The following PDGFRA variants were observed in gnomAD, a reference collection of about 807,000 sequenced individuals.
PDGFRA encodes the protein platelet-derived growth factor receptor alpha.
PDGFRA carries 25 observed loss-of-function variants against 121.5 expected under a neutral mutation model. That is an observed-to-expected ratio of 0.21 (90% CI 0.15 to 0.29). The LOEUF is 0.29. PDGFRA is among the 10% of genes least tolerant of loss of function. PDGFRA has a pLI of 1.00. For missense variants in PDGFRA, 1,008 were observed against 1,345.1 expected, an observed-to-expected ratio of 0.75 and a Z score of 3.92; for synonymous variants, 463 against 494.8, an observed-to-expected ratio of 0.94 and a Z score of 0.85.
intron 1 of PDGFRA, among the ~76,000 whole-genome samples, chr4:54,244,084 CA>C (rs1721476140): frequency 1.3e-5 from 2 of 152,214 alleles, no homozygotes; most frequent in African/African-American, 4.8e-5. Context: ...GGGTGGAGCC[CA>C]CCACAGCTCA....
Position 54,288,694 on chromosome 4 carries a change from G to C in PDGFRA, c.2675-105G>C, listed in dbSNP as rs142125556. ...TTTCTTGAAAAAACCAGTGCTTCAA[G>C]GCTATAGGATCTGAAAGGTTTTCTA... is the stretch of plus-strand genomic sequence containing the variant. On this transcript the variant is annotated intron_variant, in intron 19 of 22. Transcript: ENST00000257290. The C allele has an allele frequency of 2.4e-3, 1,890 of 780,196 alleles. 18 individuals are homozygous for C. In the African/African-American group the frequency reaches 0.028, roughly 12 times the overall value. The allele number at this position is 780,196 out of a possible 1,614,324, so 48.3% of individuals were successfully genotyped here.
rs918962982 is a variant in PDGFRA, at chr4:54,263,670, C to T, written c.371C>T (p.Pro124Leu). ...GRHIYIYVPD[P>L]DVAFVPLGMT... Reference sequence around the variant, plus strand: ...TTCATTCTTTTTTAAACCACAGACCCAGATGTAGCCTTTGTACCTCTAGGA... The same window carrying T: ...TTCATTCTTTTTTAAACCACAGACCTAGATGTAGCCTTTGTACCTCTAGGA... The change falls in exon 4 of 23, where the codon CCA (proline) becomes CTA (leucine). Residue 124 changes from proline (P) to leucine (L), a missense_variant. By Grantham distance (98) the Pro-to-Leu change is moderately conservative. Around this residue, in one of 5 missense-constraint regions of PDGFRA, gnomAD observed 575 missense variants for 701.8 expected, o/e 0.82. Coordinates refer to ENST00000257290, the MANE Select transcript of PDGFRA (RefSeq NM_006206.6). 1 of 1,613,494 alleles carries T rather than the reference C, an allele frequency of 6.2e-7. No individual in the cohort carries two copies. Among genetic ancestry groups the T allele is most frequent in the Non-Finnish European group, 8.5e-7 (1 of 1,179,444 alleles).
Position 54,263,801 on chromosome 4 carries a change from G to C in PDGFRA, c.502G>C (p.Val168Leu), listed in dbSNP as rs752270672. The C allele has an allele frequency of 2.5e-6, 4 of 1,614,062 alleles. No individual in the cohort carries two copies. Among genetic ancestry groups the C allele is most frequent in the African/African-American group, 1.3e-5 (1 of 75,014 alleles). The change falls in exon 4 of 23, where the codon GTA (valine) becomes CTA (leucine). Residue 168 changes from valine to leucine, a missense_variant. Physicochemically the swap from Val to Leu is conservative, Grantham distance 32 (BLOSUM62 1). Around this residue, in one of 5 missense-constraint regions of PDGFRA, gnomAD observed 575 missense variants for 701.8 expected, o/e 0.82. Coordinates refer to ENST00000257290, the MANE Select transcript of PDGFRA (RefSeq NM_006206.6). ...AACCTTACACAACAGTGAGGGGGTG[G>C]TACCTGCCTCCTACGACAGCAGACA... ...PVTLHNSEGV[V>L]PASYDSRQGF... is the part of the protein sequence containing the mutation.
Position 54,270,731 on chromosome 4 carries a change from T to C in PDGFRA, c.1220T>C (p.Phe407Ser). ...GAAGATGCTGTGAAGAGCTATACTT[T>C]TGAACTGTTAACTCAAGGTATGTAA... is the stretch of plus-strand genomic sequence containing the variant. ...QNEDAVKSYT[F>S]ELLTQVPSSI... Residue 407 changes from phenylalanine (F) to serine (S), a missense_variant, in exon 8 of 23, where the codon TTT becomes TCT. By Grantham distance (155) the Phe-to-Ser change is radical. Around this residue, in one of 5 missense-constraint regions of PDGFRA, gnomAD observed 575 missense variants for 701.8 expected, o/e 0.82. Transcript: ENST00000257290. The C allele has an allele frequency of 6.3e-7, 1 of 1,580,118 alleles. No individual in the cohort carries two copies. Among genetic ancestry groups the C allele is most frequent in the Non-Finnish European group, 8.7e-7 (1 of 1,149,062 alleles).
intron 5 of PDGFRA, 105 bp downstream of exon 5, chr4:54,265,154 C>T: frequency 9.0e-7 from 1 of 1,113,812 alleles, no homozygotes; most frequent in East Asian, 2.4e-5. Flanking sequence ...CTGAGTTTCT[C>T]TAGACCTTAG....
intron 1 of PDGFRA, among the ~76,000 whole-genome samples, chr4:54,251,425 A>C (rs919334182): frequency 2.6e-5 from 4 of 152,196 alleles, no homozygotes; most frequent in Admixed American, 6.5e-5. Context: ...TTTGAAAACT[A>C]TTTGGGAGTA....
intron 1 of PDGFRA, among the ~76,000 whole-genome samples, chr4:54,250,872 T>C (rs111958961): frequency 0.05 from 7,643 of 151,842 alleles, 634 homozygotes; most frequent in African/African-American, 0.17. Flanking sequence ...CAAGACTAGC[T>C]TGGCCAGCAT....
chr4:54,239,298 A>G (rs1219952604), intron 1 of PDGFRA, among the ~76,000 whole-genome samples: 1 of 152,206 alleles, frequency 6.6e-6, no homozygotes, highest in African/African-American at 2.4e-5. Context: ...AGAAATAACT[A>G]TAGGTATACT....
At chr4:54,268,137 C>T (rs764131759) in intron 7 of PDGFRA, among the ~76,000 whole-genome samples, 22 of 152,176 alleles carry the variant, frequency 1.4e-4, no homozygotes, top group Non-Finnish European at 2.5e-4. Context: ...CATCACCTTA[C>T]GTGAAAGTTA....
At chr4:54,260,696 C>T (rs1215394361) in intron 2 of PDGFRA, among the ~76,000 whole-genome samples, 1 of 152,164 alleles carries the variant, frequency 6.6e-6, no homozygotes, top group Non-Finnish European at 1.5e-5. Flanking sequence ...ACATGAGCCT[C>T]TGCGCCCCAG....
rs149659832 is a variant in PDGFRA, at chr4:54,280,424, C to T, written c.2265C>T (p.Ser755=). The T allele has an allele frequency of 4.8e-4, 770 of 1,613,472 alleles. No homozygotes were observed. The highest frequency in any genetic ancestry group is 6.1e-4 in the Non-Finnish European group (721 of 1,179,548). The change falls in exon 16 of 23, where the codon TCC becomes TCT. Residue 755 remains serine (S), a synonymous_variant. Transcript: ENST00000257290. ...AAAGGAAAGAGGTTTCTAAATATTCCGACATCCAGAGATCACTCTATGATC... is the reference window on the plus strand; with the variant it reads ...AAAGGAAAGAGGTTTCTAAATATTCTGACATCCAGAGATCACTCTATGATC... ...MLERKEVSKY[S]DIQRSLYDRP...
chr4:54,282,758 G>A (rs1004405361), intron 16 of PDGFRA, among the ~76,000 whole-genome samples: 1 of 152,156 alleles, frequency 6.6e-6, no homozygotes, highest in African/African-American at 2.4e-5. Flanking sequence ...ACACAAGGCA[G>A]GTCCCTTCCA....
At chr4:54,284,544 A>G in intron 16 of PDGFRA, among the ~76,000 whole-genome samples, 1 of 138,710 alleles carries the variant, frequency 7.2e-6, no homozygotes, top group African/African-American at 2.7e-5. Flanking sequence ...TGGCCAGAGC[A>G]GGAGCAAGTG....
intron 1 of PDGFRA, among the ~76,000 whole-genome samples, chr4:54,236,664 A>T (rs1248384795): frequency 6.6e-6 from 1 of 152,046 alleles, no homozygotes; most frequent in African/African-American, 2.4e-5. Context: ...TTAGCTGGCC[A>T]TGATGGTGGG....
intron 14 of PDGFRA, 108 bp from the exon 15 acceptor site, chr4:54,278,248 AAAAAAC>A: frequency 1.8e-6 from 1 of 563,462 alleles, no homozygotes; most frequent in Admixed American, 3.6e-5. Context: ...AAAAAAAAAA[AAAAAAC>A]TTTTTTGGTA....
At chr4:54,231,655 C>G (rs1720677452) in intron 1 of PDGFRA, among the ~76,000 whole-genome samples, 1 of 152,266 alleles carries the variant, frequency 6.6e-6, no homozygotes, top group South Asian at 2.1e-4. Flanking sequence ...CCGACAGGCG[C>G]AAGGCCGACC....
chr4:54,275,040 C>A, intron 12 of PDGFRA, 67 bp downstream of exon 12: 2 of 1,556,814 alleles, frequency 1.3e-6, no homozygotes, highest in South Asian at 1.1e-5. Flanking sequence ...AATTTATAGG[C>A]CTTGGCAGAA....
At position 54,280,446 on chromosome 4, in the gene PDGFRA, G is replaced by C. The variant is rs1724013488; in HGVS notation, c.2287G>C (p.Asp763His). The stretch of plus-strand genomic sequence containing the variant: ...TTCCGACATCCAGAGATCACTCTAT[G>C]ATCGTCCAGCCTCATATAAGAAGAA... ...KYSDIQRSLY[D>H]RPASYKKKSM... The change falls in exon 16 of 23, where the codon GAT (aspartate) becomes CAT (histidine). Residue 763 changes from aspartate (D) to histidine (H), a missense_variant. By Grantham distance (81) the Asp-to-His change is moderately conservative (BLOSUM62 -1). This residue lies in a region of PDGFRA where 128 missense variants were observed against 147.6 expected (regional missense o/e 0.87). Transcript: ENST00000257290. 3 of 1,613,874 alleles carry C rather than the reference G, an allele frequency of 1.9e-6. No individual in the cohort carries two copies. The highest frequency in any genetic ancestry group is 1.7e-6 in the Non-Finnish European group (2 of 1,179,758).
At chr4:54,290,674 G>A (rs1724585658) in intron 22 of PDGFRA, 120 bp downstream of exon 22, 17 of 1,150,374 alleles carry the variant, frequency 1.5e-5, no homozygotes, top group Non-Finnish European at 2.0e-5. Flanking sequence ...TCAGGGACAA[G>A]TTGCAGAATC....
Sources: allele counts gnomAD v4.1 joint callset (sites outside exome capture counted in the v4.1 genomes callset), GRCh38; gene constraint gnomAD v4.1.1; regional missense constraint gnomAD v4.1.1; transcripts MANE v1.5; gene names NCBI Gene and HGNC (gene_info 2026-07-23, HGNC 2026-07-21).